AP1G1: variants seen among roughly 807,000 people sequenced by gnomAD.
The protein encoded by AP1G1 is adaptor related protein complex 1 subunit gamma 1.
Under a neutral mutation model 108.3 loss-of-function variants are expected in AP1G1, and 7 were observed. That is an observed-to-expected ratio of 0.06 (90% confidence interval 0.04 to 0.12). The LOEUF (loss-of-function observed/expected upper bound fraction) is 0.12. Among genes scored for constraint, AP1G1 ranks in the 10% least tolerant of loss-of-function variants. The probability of loss-of-function intolerance (pLI) is 1.00; values close to 1 mark genes in which losing one functional copy is unlikely to be tolerated. For missense variants in AP1G1, 756 were observed against 1,010.7 expected (o/e 0.75, Z 3.42); for synonymous variants, 379 against 353.5 (o/e 1.07, Z -0.81).
chr16:71,765,451 T>G (rs755785456), intron 7 of AP1G1, 38 bp downstream of exon 7: 1 of 1,431,756 alleles, frequency 7.0e-7, no homozygotes, highest in South Asian at 1.2e-5. Context: ...GATATTAAAT[T>G]CATATAACAT....
intron 1 of AP1G1, among the ~76,000 whole-genome samples, chr16:71,801,794 C>T (rs984051356): frequency 1.3e-5 from 2 of 151,646 alleles, no homozygotes; most frequent in Admixed American, 6.6e-5. Context: ...TGGTGGCGGG[C>T]GCCTGCAGTC....
chr16:71,737,683 T>G (rs1239296978), intron 21 of AP1G1, among the ~76,000 whole-genome samples: 1 of 152,236 alleles, frequency 6.6e-6, no homozygotes, highest in Non-Finnish European at 1.5e-5. Flanking sequence ...AAAAAAAGAC[T>G]GCAAAGTCAG....
At chr16:71,780,363 G>A (rs1368498664) in intron 2 of AP1G1, among the ~76,000 whole-genome samples, 1 of 152,072 alleles carries the variant, frequency 6.6e-6, no homozygotes, top group East Asian at 1.9e-4. Context: ...GTGGTGGCAT[G>A]CACCTGTAGT....
At chr16:71,798,719 C>A (rs1054654508) in intron 1 of AP1G1, among the ~76,000 whole-genome samples, 1 of 151,914 alleles carries the variant, frequency 6.6e-6, no homozygotes, top group African/African-American at 2.4e-5. Context: ...GAATCTCTGT[C>A]TCTACTAAAA....
At position 71,746,515 on chromosome 16, in the gene AP1G1, T is replaced by G. The variant is rs1597041371; in HGVS notation, c.1730+73A>C. The G allele has an allele frequency of 1.5e-5, 14 of 944,450 alleles. No individual in the cohort carries two copies. In the East Asian group the frequency reaches 3.3e-4, roughly 22 times the overall value. The allele number at this position is 944,450 out of a possible 1,614,324, so 58.5% of individuals were successfully genotyped here. A position where few individuals can be genotyped will look rare whatever the true frequency, so the allele number is the denominator to read the frequency against. ...TTAATAAAGCACAAGGAATGAATCT[T>G]CTTTATGGATTACCATGACAATTTA... is the stretch of plus-strand genomic sequence containing the variant. On this transcript the variant is annotated intron_variant, in intron 17 of 22. Transcript: ENST00000299980.
intron 1 of AP1G1, among the ~76,000 whole-genome samples, chr16:71,803,704 C>A (rs2032889956): frequency 6.6e-6 from 1 of 152,160 alleles, no homozygotes; most frequent in Admixed American, 6.5e-5. Flanking sequence ...GCTGGTGGAT[C>A]ACTTGAGCCC....
chr16:71,734,382 A>T (rs1297606619), intron 22 of AP1G1, among the ~76,000 whole-genome samples: 2 of 152,198 alleles, frequency 1.3e-5, no homozygotes, highest in African/African-American at 4.8e-5. Flanking sequence ...CCAGACCTTT[A>T]ATCTAGCTTT....
At chr16:71,734,151 G>A (rs538225960) in intron 22 of AP1G1, among the ~76,000 whole-genome samples, 2 of 152,286 alleles carry the variant, frequency 1.3e-5, no homozygotes, top group South Asian at 4.1e-4. Context: ...CTATTAAGGT[G>A]AGCTTATTTC....
chr16:71,779,809 T>G (rs1252311171), intron 2 of AP1G1, among the ~76,000 whole-genome samples: 2 of 151,998 alleles, frequency 1.3e-5, no homozygotes, highest in Non-Finnish European at 2.9e-5. Flanking sequence ...TTTGTTAGCT[T>G]TTAGAACAGT....
In AP1G1 at chr16:71,730,988, A is replaced by G. The variant is rs2045470160; in HGVS notation, c.*2070T>C. Reference sequence around the variant, plus strand: ...TGAGCTGGTTAGCTACAAATATAAGAGAGAAAATAAAGCCTCTACACAAAG... The same window carrying G: ...TGAGCTGGTTAGCTACAAATATAAGGGAGAAAATAAAGCCTCTACACAAAG... On this transcript the variant is annotated 3_prime_UTR_variant, in exon 23 of 23. Transcript: ENST00000299980. 1 of 152,452 alleles carries G rather than the reference A, an allele frequency of 6.6e-6. No homozygotes were observed. Among genetic ancestry groups the G allele is most frequent in the South Asian group, 2.1e-4 (1 of 4,832 alleles). The allele number at this position is 152,452 out of a possible 1,614,324, so 9.4% of individuals were successfully genotyped here.
In AP1G1 at chr16:71,739,032, G is replaced by A. The variant is rs1597033839; in HGVS notation, c.2178C>T (p.Thr726=). ...KIEFTFERSN[T]NPSVTVITIQ... ...TCGTTATCACTGTTACACTGGGGTTGGTATTTGACCGTTCAAAGGTGAATT... is the reference window on the plus strand; with the variant it reads ...TCGTTATCACTGTTACACTGGGGTTAGTATTTGACCGTTCAAAGGTGAATT... Residue 726 remains threonine (T), a synonymous_variant, in exon 21 of 23, where the codon ACC becomes ACT. Transcript: ENST00000299980. 6.8e-6 allele frequency: 11 copies of A among 1,614,066 alleles called. No individual in the cohort carries two copies. The highest frequency in any genetic ancestry group is 9.3e-6 in the Non-Finnish European group (11 of 1,179,944).
At chr16:71,748,509 T>C in intron 15 of AP1G1, 131 bp from the exon 16 acceptor site, 3 of 1,097,422 alleles carry the variant, frequency 2.7e-6, no homozygotes, top group Non-Finnish European at 3.8e-6. Flanking sequence ...ACTCAACCTG[T>C]GCTTTGCCAG....
At chr16:71,756,292 T>C in intron 11 of AP1G1, 133 bp from the exon 12 acceptor site, 1 of 681,964 alleles carries the variant, frequency 1.5e-6, no homozygotes, top group Non-Finnish European at 2.3e-6. Context: ...GTGATCCCAA[T>C]CTTTGCACAC....
chr16:71,739,715 C>G (rs2045594002), intron 19 of AP1G1, among the ~76,000 whole-genome samples: 1 of 150,140 alleles, frequency 6.7e-6, no homozygotes, highest in East Asian at 2.0e-4. Flanking sequence ...CCACTGTACT[C>G]CAGCCTGGGG....
chr16:71,751,149 C>A (rs139736454), intron 13 of AP1G1: 1 of 137,114 alleles, frequency 7.3e-6, no homozygotes, highest in East Asian at 2.1e-4. Context: ...ACTGAGACTC[C>A]GTCTCAAAAA....
intron 10 of AP1G1, 21 bp downstream of exon 10, chr16:71,761,491 G>A: frequency 6.7e-7 from 1 of 1,491,698 alleles, no homozygotes; most frequent in Middle Eastern, 1.7e-4. Context: ...CAAGATAAAA[G>A]ACATATTTCA....
rs1029210276 is a variant in AP1G1 at position 71,799,418 on chromosome 16, T to C, written c.-4+9345A>G. On this transcript the variant is annotated intron_variant, in intron 1 of 22. Coordinates refer to ENST00000299980, the MANE Select transcript of AP1G1 (RefSeq NM_001128.6). ...ATGTCCACAGGAAAATAATAAATTA[T>C]GGTACATCCACGCTATAAGACACAA... 3.9e-5 allele frequency among the ~76,000 whole-genome samples: 6 copies of C among 152,176 alleles called. No homozygotes were observed. The South Asian group carries it at 6.2e-4, about 16-fold the overall frequency.
chr16:71,782,908 C>A (rs2032077380), intron 2 of AP1G1, among the ~76,000 whole-genome samples: 2 of 152,290 alleles, frequency 1.3e-5, no homozygotes, highest in East Asian at 3.9e-4. Context: ...ATAGTAACAT[C>A]ATTCAAGCTT....
At chr16:71,781,499 G>C (rs1329725949) in intron 2 of AP1G1, among the ~76,000 whole-genome samples, 4 of 152,180 alleles carry the variant, frequency 2.6e-5, no homozygotes, top group Admixed American at 2.6e-4. Flanking sequence ...CTCCATCCCA[G>C]AAGTAATCAG....
Sources: gnomAD v4.1 joint callset for allele counts (sites outside exome capture counted in the v4.1 genomes callset) on GRCh38, gnomAD v4.1.1 for gene constraint, MANE v1.5 for transcripts, NCBI Gene and HGNC (gene_info 2026-07-23, HGNC 2026-07-21) for gene names.